CORIN: variants seen among roughly 807,000 people sequenced by gnomAD.
The protein encoded by CORIN is corin, serine peptidase.
A neutral mutation model predicts 125.3 loss-of-function variants in CORIN; 117 were observed. That is an observed-to-expected ratio of 0.93 (90% CI 0.80 to 1.09). CORIN has a LOEUF of 1.09. Among genes scored for constraint, CORIN ranks in the 50% least tolerant of loss-of-function variants. The pLI, the probability that CORIN is intolerant of heterozygous loss-of-function variation, is 0.00. For missense variants in CORIN, 1,253 were observed against 1,306.7 expected (o/e 0.96, Z 0.63); for synonymous variants, 450 against 466.4 (o/e 0.96, Z 0.45).
chr4:47,744,038 T>C (rs960716629), intron 5 of CORIN, among the ~76,000 whole-genome samples: 1 of 152,230 alleles, frequency 6.6e-6, no homozygotes, highest in Non-Finnish European at 1.5e-5. Flanking sequence ...TGAGAATGAA[T>C]GAACCACAAT....
intron 3 of CORIN, among the ~76,000 whole-genome samples, chr4:47,778,580 C>G (rs1027381443): frequency 6.6e-6 from 1 of 152,194 alleles, no homozygotes; most frequent in Non-Finnish European, 1.5e-5. Flanking sequence ...CTACTTTTCT[C>G]TCTCTAGAAT....
chr4:47,627,214 C>T (rs1257842029), intron 16 of CORIN, among the ~76,000 whole-genome samples: 2 of 152,082 alleles, frequency 1.3e-5, no homozygotes, highest in South Asian at 2.1e-4. Context: ...AACTCCTGAC[C>T]TCAAGTGGTC....
intron 3 of CORIN, among the ~76,000 whole-genome samples, chr4:47,772,889 T>C (rs1029147622): frequency 6.6e-6 from 1 of 152,152 alleles, no homozygotes; most frequent in Non-Finnish European, 1.5e-5. Context: ...TTCATTCTGC[T>C]TTTTTCTTCT....
At position 47,757,857 on chromosome 4, in the gene CORIN, C is replaced by T. The variant is rs1225684036; in HGVS notation, c.617+5522G>A. 3.7e-5 allele frequency among the ~76,000 whole-genome samples: 4 copies of T among 107,476 alleles called. No individual in the cohort carries two copies. The East Asian group carries it at 8.5e-4, about 23-fold the overall frequency. The allele number at this position is 107,476 out of a possible 152,430, so 70.5% of individuals were successfully genotyped here. ...GGAGAATGATTGAAATGAGTTTACA[C>T]ATATATATACATATATATATGTATA... On this transcript the variant is annotated intron_variant, in intron 4 of 21. Transcript: ENST00000273857.
At position 47,603,621 on chromosome 4, in the gene CORIN, A is replaced by G; in HGVS notation, c.2588T>C (p.Leu863Pro). ...CTGCATGAACACTGATGGATGGTCTAGATTGTTGATGCCAAGCACCACTTT... is the reference window on the plus strand; with the variant it reads ...CTGCATGAACACTGATGGATGGTCTGGATTGTTGATGCCAAGCACCACTTT... ...VWKVVLGINN[L>P]DHPSVFMQTR... The change falls in exon 20 of 22, where the codon CTA becomes CCA. Residue 863 changes from leucine to proline, a missense_variant. Physicochemically the swap from Leu to Pro is moderately conservative, Grantham distance 98. Transcript: ENST00000273857. 2 of 1,614,206 alleles carry G rather than the reference A, an allele frequency of 1.2e-6. No individual in the cohort carries two copies.
Position 47,786,776 on chromosome 4 carries a change from C to T in CORIN, c.358G>A (p.Ala120Thr). Reference sequence around the variant, plus strand: ...GGGAGAGAAGCATCCGTAGTCCAGGCTGGAACGTGTTGGTCGGGATGTGCA... The same window carrying T: ...GGGAGAGAAGCATCCGTAGTCCAGGTTGGAACGTGTTGGTCGGGATGTGCA... ...STAHPDQHVP[A>T]WTTDASLPGD... is the part of the protein sequence containing the mutation. Residue 120 changes from alanine (A) to threonine (T), a missense_variant, in exon 3 of 22, where the codon GCC (alanine) becomes ACC (threonine). By Grantham distance (58) the Ala-to-Thr change is moderately conservative (BLOSUM62 0). Transcript: ENST00000273857. 2 of 1,614,156 alleles carry T rather than the reference C, an allele frequency of 1.2e-6. No homozygotes were observed. Among genetic ancestry groups the T allele is most frequent in the Non-Finnish European group, 1.7e-6 (2 of 1,180,026 alleles).
At chr4:47,820,539 C>G (rs1020741224) in intron 1 of CORIN, among the ~76,000 whole-genome samples, 1 of 151,998 alleles carries the variant, frequency 6.6e-6, no homozygotes, top group African/African-American at 2.4e-5. Flanking sequence ...ATTTGCTGTA[C>G]AAATTTACAT....
chr4:47,813,424 G>A (rs1732141138), intron 1 of CORIN, among the ~76,000 whole-genome samples: 1 of 152,102 alleles, frequency 6.6e-6, no homozygotes, highest in Admixed American at 6.5e-5. Context: ...CCAAACATAT[G>A]CTGTCTTTAG....
chr4:47,606,062 T>C (rs968882421), intron 19 of CORIN, among the ~76,000 whole-genome samples: 1 of 152,134 alleles, frequency 6.6e-6, no homozygotes, highest in Non-Finnish European at 1.5e-5. Context: ...AATAGAGAGA[T>C]AGAGATATAT....
intron 16 of CORIN, among the ~76,000 whole-genome samples, chr4:47,630,268 T>C (rs532773699): frequency 6.6e-6 from 1 of 152,362 alleles, no homozygotes; most frequent in Non-Finnish European, 1.5e-5. Context: ...AATAGTAATA[T>C]ACATGCACAT....
At chr4:47,693,388 A>T (rs578106028) in intron 5 of CORIN, among the ~76,000 whole-genome samples, 37 of 152,308 alleles carry the variant, frequency 2.4e-4, no homozygotes, top group African/African-American at 8.7e-4. Flanking sequence ...TGCACAATTT[A>T]TGTGGGGAGA....
rs201727776 is a variant in CORIN, at chr4:47,653,634, G to A, written c.1762C>T (p.Arg588Cys). 1.9e-5 allele frequency: 31 copies of A among 1,613,694 alleles called. No homozygotes were observed. The highest frequency in any genetic ancestry group is 1.7e-4 in the African/African-American group (13 of 74,908). Reference sequence around the variant, plus strand: ...GAAGCCAGAACACACTGTCCTGAGCGGCACTTGAAATGACTAGGTGAGCAT... The same window carrying A: ...GAAGCCAGAACACACTGTCCTGAGCAGCACTTGAAATGACTAGGTGAGCAT... ...EECSPSHFKC[R>C]SGQCVLASRR... Residue 588 changes from arginine (R) to cysteine (C), a missense_variant, in exon 13 of 22, where the codon CGC becomes TGC. Transcript: ENST00000273857.
chr4:47,771,800 A>G (rs1042103794), intron 3 of CORIN, among the ~76,000 whole-genome samples: 5 of 152,220 alleles, frequency 3.3e-5, no homozygotes, highest in Non-Finnish European at 5.9e-5. Flanking sequence ...CATTTTCTTA[A>G]TGAGTGATTT....
At chr4:47,822,626 T>A (rs1560565294) in intron 1 of CORIN, among the ~76,000 whole-genome samples, 1 of 152,196 alleles carries the variant, frequency 6.6e-6, no homozygotes, top group African/African-American at 2.4e-5. Context: ...AATTCAGACA[T>A]CTTTGGGAGA....
chr4:47,606,756 C>G (rs1369016670), intron 19 of CORIN, among the ~76,000 whole-genome samples: 2 of 151,578 alleles, frequency 1.3e-5, no homozygotes, highest in East Asian at 3.9e-4. Context: ...TCCTTCTCTT[C>G]CTCCCTTCTC....
At chr4:47,825,728 TCTCA>T (rs1344342953) in intron 1 of CORIN, among the ~76,000 whole-genome samples, 2 of 145,094 alleles carry the variant, frequency 1.4e-5, no homozygotes, top group East Asian at 4.0e-4. Context: ...TTAGATGGAG[TCTCA>T]CTCTGTCACC....
chr4:47,596,724 G>T (rs965804131), intron 21 of CORIN, among the ~76,000 whole-genome samples: 15 of 152,156 alleles, frequency 9.9e-5, no homozygotes, highest in African/African-American at 1.4e-4. Flanking sequence ...ATTGTGGAAG[G>T]TTACAAATAC....
intron 3 of CORIN, 151 bp from the exon 4 acceptor site, chr4:47,763,737 G>A (rs1018488657): frequency 3.2e-6 from 2 of 625,290 alleles, no homozygotes; most frequent in East Asian, 2.8e-5. Context: ...GTAAGTATGT[G>A]TATGTGTATG....
chr4:47,763,305 G>C (rs2109870706), intron 4 of CORIN, 74 bp downstream of exon 4: 1 of 1,163,094 alleles, frequency 8.6e-7, no homozygotes, highest in Non-Finnish European at 1.3e-6. Flanking sequence ...GAGTCATTTG[G>C]ATAATTTTTT....
Sources: gnomAD v4.1 joint callset for allele counts (sites outside exome capture counted in the v4.1 genomes callset) on GRCh38, gnomAD v4.1.1 for gene constraint, MANE v1.5 for transcripts, NCBI Gene and HGNC (gene_info 2026-07-23, HGNC 2026-07-21) for gene names.